The following ITGA7 variants were observed in gnomAD, a reference collection of about 807,000 sequenced individuals.
ITGA7 encodes the protein integrin alpha-7.
ITGA7 carries 84 observed loss-of-function variants against 131.6 expected under a neutral mutation model. That is an observed-to-expected ratio of 0.64 (90% CI 0.54 to 0.77). The LOEUF (loss-of-function observed/expected upper bound fraction) is 0.77, where lower values mean the gene tolerates loss of function less well. Among genes scored for constraint, ITGA7 ranks in the 30% least tolerant of loss-of-function variants. ITGA7 has a pLI of 0.00. For synonymous variants in ITGA7, 548 were observed against 600.7 expected, an observed-to-expected ratio of 0.91 and a Z score of 1.28; for missense variants, 1,399 against 1,482.9, an observed-to-expected ratio of 0.94 and a Z score of 0.93.
chr12:55,688,724 A>C, intron 22 of ITGA7, 120 bp downstream of exon 22: 1 of 223,582 alleles, frequency 4.5e-6, no homozygotes, highest in Non-Finnish European at 7.1e-6. Context: ...CTCCGTCTCA[A>C]AAAAAAAAAA....
chr12:55,700,743 T>C (rs1371209802), intron 4 of ITGA7, 156 bp downstream of exon 4: 1 of 949,526 alleles, frequency 1.1e-6, no homozygotes, highest in Non-Finnish European at 1.6e-6. Context: ...CCCATTCATG[T>C]GTGCACTAGC....
In ITGA7 at chr12:55,694,409, C is replaced by T; in HGVS notation, c.2357+34G>A. ...GGTCAGATGAGGTCAATATGACTACCCCCACCTCACCCTTCCGGCCCCGCC... is the reference window on the plus strand; with the variant it reads ...GGTCAGATGAGGTCAATATGACTACTCCCACCTCACCCTTCCGGCCCCGCC... On this transcript the variant is annotated intron_variant, in intron 17 of 24. Coordinates refer to ENST00000257879, the MANE Select transcript of ITGA7 (RefSeq NM_002206.3). This position sits in a 1 kb window ranked among gnomAD's most constrained non-coding sequence, Gnocchi z 5.3. 1.2e-6 allele frequency: 2 copies of T among 1,612,982 alleles called. No individual in the cohort carries two copies. Among genetic ancestry groups the T allele is most frequent in the Non-Finnish European group, 1.7e-6 (2 of 1,179,028 alleles).
intron 4 of ITGA7, chr12:55,700,629 A>G (rs919224797): frequency 2.1e-5 from 13 of 632,434 alleles, no homozygotes; most frequent in Non-Finnish European, 3.6e-5. Context: ...GGTGTGGGCT[A>G]GTGTGTTGGA....
intron 22 of ITGA7, 63 bp from the exon 23 acceptor site, chr12:55,688,363 C>A: frequency 8.7e-7 from 1 of 1,145,136 alleles, no homozygotes. Context: ...CTTCCCCTTA[C>A]CTCCTGAAAT....
upstream of ITGA7, among the ~76,000 whole-genome samples, chr12:55,709,261 T>C (rs1011781032): frequency 6.6e-6 from 1 of 152,232 alleles, no homozygotes; most frequent in Non-Finnish European, 1.5e-5. Flanking sequence ...TTTCTTCTCT[T>C]TCCCTTTCTT....
chr12:55,716,096 G>C (rs1565651515), upstream of ITGA7: 2 of 1,594,658 alleles, frequency 1.3e-6, no homozygotes, highest in East Asian at 2.3e-5. Context: ...TCCGGAGCCG[G>C]AGGGGGCCCG....
At chr12:55,688,146 G>C in intron 23 of ITGA7, 50 bp from the exon 24 acceptor site, 1 of 1,614,144 alleles carries the variant, frequency 6.2e-7, no homozygotes, top group Non-Finnish European at 8.5e-7. Context: ...ACAAGAACTG[G>C]AGGGAGCAGG....
At chr12:55,688,738 G>A (rs540176161) in intron 22 of ITGA7, 106 bp downstream of exon 22, 19 of 844,208 alleles carry the variant, frequency 2.3e-5, no homozygotes, top group Admixed American at 1.6e-4. Flanking sequence ...AAAAAAAAAG[G>A]GGGGGGATGC....
chr12:55,695,194 T>G, intron 14 of ITGA7: 1 of 605,542 alleles, frequency 1.7e-6, no homozygotes, highest in Non-Finnish European at 2.9e-6. Flanking sequence ...GCCAAGTAAC[T>G]TAACCTCTCT....
At chr12:55,702,512 G>A (rs917528469) in intron 3 of ITGA7, among the ~76,000 whole-genome samples, 8 of 152,026 alleles carry the variant, frequency 5.3e-5, no homozygotes, top group East Asian at 1.9e-4. Context: ...ACAGGGTTTC[G>A]CCATGTTGGT....
chr12:55,698,826 C>T lies in ITGA7; in HGVS notation c.882G>A (p.Val294=), dbSNP rs148190047. Residue 294 remains valine, a synonymous_variant, in exon 6 of 25, where the codon GTG becomes GTA. Coordinates refer to ENST00000257879, the MANE Select transcript of ITGA7 (RefSeq NM_002206.3). ...TGGCGCTGTCCTTGCGCAGGATGAC[C>T]ACAGCACCCTTGTGGTTGGCGCGGG... The part of the protein sequence containing the change: ...GAPRANHKGA[V]VILRKDSASR... 2.3e-3 allele frequency: 3,695 copies of T among 1,614,054 alleles called. 5 individuals are homozygous for T. Among genetic ancestry groups the T allele is most frequent in the Non-Finnish European group, 2.9e-3 (3,403 of 1,180,014 alleles).
At chr12:55,702,008 T>C (rs972861845) in intron 3 of ITGA7, among the ~76,000 whole-genome samples, 2 of 152,090 alleles carry the variant, frequency 1.3e-5, no homozygotes, top group African/African-American at 2.4e-5. Context: ...CTCTGGTTTT[T>C]TCGTTTGTTT....
chr12:55,702,141 G>A (rs561540872), intron 3 of ITGA7, among the ~76,000 whole-genome samples: 28 of 151,406 alleles, frequency 1.8e-4, no homozygotes, highest in African/African-American at 5.3e-4. Flanking sequence ...TCAGCCTCCC[G>A]AGTACCTGGG....
Position 55,695,601 on chromosome 12 carries a change from T to C in ITGA7, c.1924A>G (p.Ile642Val). 6.2e-7 allele frequency: 1 copy of C among 1,613,784 alleles called. No individual in the cohort carries two copies. Among genetic ancestry groups the C allele is most frequent in the African/African-American group, 1.3e-5 (1 of 74,890 alleles). Residue 642 changes from isoleucine (I) to valine (V), a missense_variant, in exon 14 of 25, where the codon ATC becomes GTC. Coordinates refer to ENST00000257879, the MANE Select transcript of ITGA7 (RefSeq NM_002206.3). ...ACCAGCTGCAGATTGCTCTGGCAGA[T>C]CTTGTCTTCACCACAGCCTTGCTTC... ...FLKQGCGEDK[I>V]CQSNLQLVRA...
rs1872617281 is a variant in ITGA7 at position 55,696,344 on chromosome 12, T to C, written c.1826A>G (p.Gln609Arg). The C allele has an allele frequency of 3.2e-6, 5 of 1,586,978 alleles. No homozygotes were observed. Among genetic ancestry groups the C allele is most frequent in the African/African-American group, 2.7e-5 (2 of 74,596 alleles). The change falls in exon 13 of 25, where the codon CAG (glutamine) becomes CGG (arginine). Residue 609 changes from glutamine to arginine, a missense_variant. Coordinates refer to ENST00000257879, the MANE Select transcript of ITGA7 (RefSeq NM_002206.3). Reference protein sequence around the residue: ...TPRLRRQAPGQGLPPVAPILN... With the variant: ...TPRLRRQAPGRGLPPVAPILN... ...GATGGGGGCCACTGGAGGCAGCCCC[T>C]GGCCAGGAGCCTGTCGCCGGAGCCG... is the stretch of plus-strand genomic sequence containing the variant.
upstream of ITGA7, chr12:55,716,073 G>T: frequency 1.3e-6 from 2 of 1,570,832 alleles, no homozygotes; most frequent in Non-Finnish European, 1.7e-6. Context: ...GAGCCGAGGT[G>T]AGCGTTCCAG....
chr12:55,700,714 C>T (rs897328904), intron 4 of ITGA7, 185 bp downstream of exon 4: 3 of 778,064 alleles, frequency 3.9e-6, no homozygotes, highest in Admixed American at 5.2e-5. Flanking sequence ...CTTGGCCGTG[C>T]GAGGGAAAGG....
intron 21 of ITGA7, among the ~76,000 whole-genome samples, chr12:55,690,768 T>G (rs1488276058): frequency 6.6e-6 from 1 of 150,956 alleles, no homozygotes; most frequent in South Asian, 2.1e-4. Context: ...GTGGCACATA[T>G]ACACCATGGA....
chr12:55,715,483 C>T (rs901892238), upstream of ITGA7, among the ~76,000 whole-genome samples: 4 of 152,322 alleles, frequency 2.6e-5, no homozygotes, highest in Non-Finnish European at 5.9e-5. Context: ...AGCACTTACG[C>T]TTCTGCTAAC....
Sources: gnomAD v4.1 joint callset for allele counts (sites outside exome capture counted in the v4.1 genomes callset) on GRCh38, gnomAD v4.1.1 for gene constraint, Gnocchi (gnomAD v3.1) non-coding constraint, MANE v1.5 for transcripts, NCBI Gene and HGNC (gene_info 2026-07-23, HGNC 2026-07-21) for gene names.